Variants in TTC34 observed in about 807,000 individuals in gnomAD.
TTC34 encodes the protein tetratricopeptide repeat protein 34.
A neutral mutation model predicts 40.7 loss-of-function variants in TTC34; 44 were observed. That is an observed-to-expected ratio of 1.08 (90% confidence interval 0.85 to 1.39). The LOEUF is 1.39. TTC34 is among the 40% of genes most tolerant of loss of function. TTC34 has a pLI of 0.00. For synonymous variants in TTC34, 422 were observed against 398.6 expected, an observed-to-expected ratio of 1.06 and a Z score of -0.70; for missense variants, 884 against 838.0, an observed-to-expected ratio of 1.05 and a Z score of -0.68.
rs1639930008 is a variant in TTC34, at chr1:2,677,011, C to G, written c.2227-31448G>C. ...ACAGCCTGGAGCAGCACCCACCACT[C>G]CCAGGCCAGCATCCGATAACCTGGA... On this transcript the variant is annotated intron_variant, in intron 6 of 8. Coordinates refer to ENST00000401095, the Ensembl canonical transcript of TTC34. 1.6e-4 allele frequency among the ~76,000 whole-genome samples: 20 copies of G among 126,608 alleles called. No individual in the cohort carries two copies. In the South Asian group the frequency reaches 5.2e-3, roughly 33 times the overall value. 83.1% of individuals were successfully genotyped at this position (126,608 alleles called of 152,430 possible). A position where few individuals can be genotyped will look rare whatever the true frequency, so the allele number is the denominator to read the frequency against.
chr1:2,759,449 C>T (rs1380798378), intron 6 of TTC34, among the ~76,000 whole-genome samples: 1 of 122,374 alleles, frequency 8.2e-6, no homozygotes, highest in Non-Finnish European at 1.7e-5. Context: ...CCCAGGCGAG[C>T]ATCTGACAGC....
At chr1:2,782,169 A>C (rs1643493701) in intron 6 of TTC34, among the ~76,000 whole-genome samples, 1 of 152,102 alleles carries the variant, frequency 6.6e-6, no homozygotes, top group Non-Finnish European at 1.5e-5. Flanking sequence ...TTACTGACTC[A>C]ATCTTTTTAC....
intron 6 of TTC34, among the ~76,000 whole-genome samples, chr1:2,759,601 C>T (rs1641624228): frequency 2.0e-5 from 3 of 152,118 alleles, no homozygotes; most frequent in Non-Finnish European, 2.9e-5. Context: ...ACCCACACCG[C>T]CAGGCGAGCA....
intron 6 of TTC34, among the ~76,000 whole-genome samples, chr1:2,651,337 A>G (rs933278273): frequency 4.0e-5 from 6 of 151,426 alleles, no homozygotes; most frequent in Admixed American, 3.9e-4. Flanking sequence ...ATCTGACAGC[A>G]TTGAATGGCA....
chr1:2,801,081 G>C (rs1383579630), intron 1 of TTC34, among the ~76,000 whole-genome samples: 2 of 152,196 alleles, frequency 1.3e-5, no homozygotes, highest in Non-Finnish European at 1.5e-5. Flanking sequence ...TTCACCTCTG[G>C]GGCCTCAGTT....
At chr1:2,752,191 C>G (rs1360765163) in intron 6 of TTC34, among the ~76,000 whole-genome samples, 1 of 120,706 alleles carries the variant, frequency 8.3e-6, no homozygotes. Context: ...CATCTGACAG[C>G]CTGGAACAGA....
chr1:2,646,749 A>G (rs1338296145), intron 6 of TTC34, among the ~76,000 whole-genome samples: 1 of 152,216 alleles, frequency 6.6e-6, no homozygotes, highest in Admixed American at 6.5e-5. Flanking sequence ...ATCATTTTGT[A>G]TTTGCAGATG....
At chr1:2,801,066 C>T (rs918178234) in intron 1 of TTC34, among the ~76,000 whole-genome samples, 198 bp from the exon 2 acceptor site, 18 of 152,142 alleles carry the variant, frequency 1.2e-4, no homozygotes, top group African/African-American at 4.1e-4. Flanking sequence ...ACTTCCAGCC[C>T]ACTGTTCACC....
intron 6 of TTC34, among the ~76,000 whole-genome samples, chr1:2,772,931 C>A (rs1642487858): frequency 7.3e-6 from 1 of 137,718 alleles, no homozygotes; most frequent in Non-Finnish European, 1.6e-5. Flanking sequence ...TGGAACAGCA[C>A]CCATACCCCC....
At chr1:2,768,076 C>A (rs1158596037) in intron 6 of TTC34, among the ~76,000 whole-genome samples, 1 of 151,496 alleles carries the variant, frequency 6.6e-6, no homozygotes, top group Admixed American at 6.6e-5. Flanking sequence ...CCAGGAACGG[C>A]AACCCACATC....
intron 6 of TTC34, among the ~76,000 whole-genome samples, chr1:2,673,777 T>A (rs1481415718): frequency 1.9e-4 from 3 of 15,726 alleles, no homozygotes; most frequent in South Asian, 3.2e-3. Context: ...AGAATCTGAT[T>A]GTCTGGAGCA....
intron 6 of TTC34, among the ~76,000 whole-genome samples, chr1:2,649,617 T>G (rs542754020): frequency 3.2e-4 from 48 of 152,234 alleles, no homozygotes; most frequent in African/African-American, 9.4e-4. Context: ...CTTGGCTCAC[T>G]GCAACCACCG....
exon 3 of TTC34, chr1:2,789,846 C>G: frequency 4.6e-6 from 2 of 430,150 alleles, no homozygotes; most frequent in Non-Finnish European, 8.2e-6. Context: ...CGCGAGTCCC[C>G]GGCGTGCAGC....
chr1:2,778,549 T>G (rs1643395182), intron 6 of TTC34, among the ~76,000 whole-genome samples: 1 of 152,196 alleles, frequency 6.6e-6, no homozygotes, highest in South Asian at 2.1e-4. Flanking sequence ...GTTTATGGGC[T>G]GGAGGAACCA....
exon 3 of TTC34, chr1:2,789,814 C>A: frequency 2.2e-6 from 1 of 456,422 alleles, no homozygotes; most frequent in Non-Finnish European, 3.8e-6. Context: ...CCACTACCGT[C>A]TGGAAGTCCT....
At chr1:2,683,514 A>G (rs6687492) in intron 6 of TTC34, among the ~76,000 whole-genome samples, 1 of 122,730 alleles carries the variant, frequency 8.1e-6, no homozygotes, top group Non-Finnish European at 1.7e-5. Flanking sequence ...CACCCACACC[A>G]CCAGGTGAGC....
At chr1:2,779,896 T>A (rs913579084) in intron 6 of TTC34, among the ~76,000 whole-genome samples, 1 of 152,238 alleles carries the variant, frequency 6.6e-6, no homozygotes. Context: ...GAGAAATGTC[T>A]GTTTAAGTCC....
At chr1:2,686,320 CCT>C (rs1640343625) in intron 6 of TTC34, among the ~76,000 whole-genome samples, 1 of 90,184 alleles carries the variant, frequency 1.1e-5, no homozygotes. Context: ...AGCACCCACA[CCT>C]CCAGGCGAGC....
chr1:2,639,432 A>C (rs939204234), exon 9 of TTC34: 3 of 152,448 alleles, frequency 2.0e-5, no homozygotes, highest in African/African-American at 7.2e-5. Context: ...ACGCCTCCCC[A>C]CTGCCTCCAC....
Sources: allele counts gnomAD v4.1 joint callset (sites outside exome capture counted in the v4.1 genomes callset), GRCh38; gene constraint gnomAD v4.1.1; transcripts MANE v1.5; gene names NCBI Gene and HGNC (gene_info 2026-07-23, HGNC 2026-07-21).